BEX1: variants seen among roughly 807,000 people sequenced by gnomAD.
The protein encoded by BEX1 is protein BEX1.
For synonymous variants in BEX1, 41 were observed against 33.4 expected (o/e 1.23, Z -0.79); for missense variants, 86 against 99.2 (o/e 0.87, Z 0.57).
In BEX1 at chrX:103,063,203, C is replaced by T. The variant is rs1341377768; in HGVS notation, c.72G>A (p.Lys24=). The T allele has an allele frequency of 1.6e-5, 19 of 1,211,559 alleles. No individual in the cohort carries two copies. Among genetic ancestry groups the T allele is most frequent in the Non-Finnish European group, 2.1e-5 (19 of 895,500 alleles). The stretch of plus-strand genomic sequence containing the variant: ...GCTCCCCTTTATTAGCAACTTGCTC[C>T]TTTTCTTCATTTTCTTGGTTGGCAT... The part of the protein sequence containing the change: ...MENANQENEE[K]EQVANKGEPL... The change falls in exon 3 of 3, where the codon AAG becomes AAA. Residue 24 remains lysine, a synonymous_variant. Transcript: ENST00000372728.
chrX:103,063,609 G>A, intron 2 of BEX1, 33 bp downstream of exon 2: 1 of 301,586 alleles, frequency 3.3e-6, no homozygotes, highest in East Asian at 6.2e-5. Flanking sequence ...ACTGGACTCT[G>A]CACCCGCCCC....
Position 103,063,224 on chromosome X carries a change from G to C in BEX1, c.51C>G (p.Ala17=). Residue 17 remains alanine, a synonymous_variant, in exon 3 of 3, where the codon GCC becomes GCG. Transcript: ENST00000372728. ...RAVNSLSMEN[A]NQENEEKEQV... is the part of the protein sequence containing the mutation. ...GCTCCTTTTCTTCATTTTCTTGGTT[G>C]GCATTTTCCATGCTGAGACTGTTTA... The C allele has an allele frequency of 8.3e-7, 1 of 1,211,292 alleles. No homozygotes were observed. Among genetic ancestry groups the C allele is most frequent in the Non-Finnish European group, 1.1e-6 (1 of 895,390 alleles).
Position 103,062,656 on chromosome X carries a change from T to C in BEX1, c.*241A>G. On this transcript the variant is annotated 3_prime_UTR_variant, in exon 3 of 3. Coordinates refer to ENST00000372728, the MANE Select transcript of BEX1 (RefSeq NM_018476.4). Reference sequence around the variant, plus strand: ...ACAAAAAAAGAATATAGAGATTGCTTTTTAAAGGTGCTTTATTAACTTCAC... The same window carrying C: ...ACAAAAAAAGAATATAGAGATTGCTCTTTAAAGGTGCTTTATTAACTTCAC... The C allele has an allele frequency of 2.6e-6, 1 of 381,487 alleles. No homozygotes were observed. Among genetic ancestry groups the C allele is most frequent in the East Asian group, 4.1e-5 (1 of 24,434 alleles). 31.4% of individuals were successfully genotyped at this position (381,487 alleles called of 1,213,427 possible).
chrX:103,064,090 C>A lies in BEX1; in HGVS notation c.-96+6G>T, dbSNP rs934947894. On this transcript the variant is annotated splice_donor_region_variant and intron_variant, in intron 1 of 2. Coordinates refer to ENST00000372728, the MANE Select transcript of BEX1 (RefSeq NM_018476.4). ...AGCCAGGGCGCGCGGGCCCCGGGGC[C>A]CTTACCTGGTCCGCTTTCCCCCGGG... 1.7e-4 allele frequency: 49 copies of A among 294,508 alleles called. No homozygotes were observed. Among genetic ancestry groups the A allele is most frequent in the Non-Finnish European group, 1.8e-4 (39 of 218,962 alleles). 24.3% of individuals were successfully genotyped at this position (294,508 alleles called of 1,213,427 possible).
chrX:103,063,117 A>T lies in BEX1; in HGVS notation c.158T>A (p.Phe53Tyr). 8.3e-7 allele frequency: 1 copy of T among 1,211,852 alleles called. No homozygotes were observed. Among genetic ancestry groups the T allele is most frequent in the African/African-American group, 1.7e-5 (1 of 57,779 alleles). Residue 53 changes from phenylalanine (F) to tyrosine (Y), a missense_variant, in exon 3 of 3, where the codon TTC (phenylalanine) becomes TAC (tyrosine). Coordinates refer to ENST00000372728, the MANE Select transcript of BEX1 (RefSeq NM_018476.4). ...YCVPRGNRRR[F>Y]RVRQPILQYR... is the part of the protein sequence containing the mutation. ...CTGCAGGATGGGCTGCCTAACGCGGAACCGCCTACGATTTCCTCTAGGCAC... is the reference window on the plus strand; with the variant it reads ...CTGCAGGATGGGCTGCCTAACGCGGTACCGCCTACGATTTCCTCTAGGCAC...
chrX:103,063,458 T>G, intron 2 of BEX1, among the ~76,000 whole-genome samples, 179 bp from the exon 3 acceptor site: 1 of 69,899 alleles, frequency 1.4e-5, no homozygotes, highest in Non-Finnish European at 2.5e-5. Context: ...GGGCCCCCAT[T>G]CGAGCCCGCC....
intron 2 of BEX1, 47 bp from the exon 3 acceptor site, chrX:103,063,326 T>A (rs761676676): frequency 1.8e-6 from 2 of 1,135,019 alleles, no homozygotes; most frequent in Admixed American, 2.5e-5. Context: ...TGGTGAACGC[T>A]TCAGTACCGA....
intron 2 of BEX1, 123 bp from the exon 3 acceptor site, chrX:103,063,402 T>C: frequency 1.1e-5 from 9 of 847,387 alleles, no homozygotes; most frequent in Non-Finnish European, 1.3e-5. Flanking sequence ...TTTTGTTTTG[T>C]TTAATTTCAC....
At chrX:103,063,390 T>C in intron 2 of BEX1, 111 bp from the exon 3 acceptor site, 1 of 864,236 alleles carries the variant, frequency 1.2e-6, no homozygotes, top group Admixed American at 3.1e-5. Flanking sequence ...GCTATCAACA[T>C]GTTTTGTTTT....
Position 103,062,856 on chromosome X carries a change from G to A in BEX1, c.*41C>T, listed in dbSNP as rs922501277. 1 of 1,197,346 alleles carries A rather than the reference G, an allele frequency of 8.4e-7. No individual in the cohort carries two copies. Among genetic ancestry groups the A allele is most frequent in the Non-Finnish European group, 1.1e-6 (1 of 886,943 alleles). On this transcript the variant is annotated 3_prime_UTR_variant, in exon 3 of 3. Coordinates refer to ENST00000372728, the MANE Select transcript of BEX1 (RefSeq NM_018476.4). ...TCATGAACATGTAAATTCGAAAGCA[G>A]GGGTCTGTTTCCGTAATAACTTTAG...
rs1046001932 is a variant in BEX1, at chrX:103,063,751, G to A, written c.-95-20C>T. 7.6e-5 allele frequency: 11 copies of A among 144,076 alleles called. No homozygotes were observed. In the South Asian group the frequency reaches 2.1e-3, roughly 28 times the overall value. The allele number at this position is 144,076 out of a possible 1,213,427, so 11.9% of individuals were successfully genotyped here. On this transcript the variant is annotated intron_variant, in intron 1 of 2. Coordinates refer to ENST00000372728, the MANE Select transcript of BEX1 (RefSeq NM_018476.4). Reference sequence around the variant, plus strand: ...GAAGGGCTGGGGTGTGGGGAGGGGGGGCTGCTGCAGCGGAACGCTAGCTCC... The same window carrying A: ...GAAGGGCTGGGGTGTGGGGAGGGGGAGCTGCTGCAGCGGAACGCTAGCTCC...
Position 103,062,940 on chromosome X carries a change from G to A in BEX1, c.335C>T (p.Pro112Leu), listed in dbSNP as rs1921580013. The change falls in exon 3 of 3, where the codon CCC (proline) becomes CTC (leucine). Residue 112 changes from proline (P) to leucine (L), a missense_variant. Coordinates refer to ENST00000372728, the MANE Select transcript of BEX1 (RefSeq NM_018476.4). ...SHSLRAVSTDPPHHDHHDEFC... is the reference protein window; with the variant it reads ...SHSLRAVSTDLPHHDHHDEFC... ...CTCATCATGATGGTCATGGTGAGGG[G>A]GGTCAGTGCTGACTGCCCGCAGACT... 8.3e-7 allele frequency: 1 copy of A among 1,209,245 alleles called. No homozygotes were observed. The highest frequency in any genetic ancestry group is 1.8e-5 in the African/African-American group (1 of 56,895).
Position 103,064,152 on chromosome X carries a change from G to T in BEX1, c.-152C>A. ...CCCGCCGAGCGCAGGGCAGCGGGGA[G>T]CTGGTAGCGAGACACGAGTGACGAC... On this transcript the variant is annotated 5_prime_UTR_variant, in exon 1 of 3. Coordinates refer to ENST00000372728, the MANE Select transcript of BEX1 (RefSeq NM_018476.4). The T allele has an allele frequency of 3.8e-6, 2 of 520,793 alleles. No homozygotes were observed. The highest frequency in any genetic ancestry group is 4.7e-6 in the Non-Finnish European group (2 of 424,275). The allele number at this position is 520,793 out of a possible 1,213,427, so 42.9% of individuals were successfully genotyped here. A position where few individuals can be genotyped will look rare whatever the true frequency, so the allele number is the denominator to read the frequency against.
intron 2 of BEX1, 137 bp from the exon 3 acceptor site, chrX:103,063,416 T>C: frequency 1.4e-6 from 1 of 700,244 alleles, no homozygotes; most frequent in South Asian, 3.8e-5. Flanking sequence ...ATTTCACGTT[T>C]CCCACCAGAG....
chrX:103,063,142 C>T lies in BEX1; in HGVS notation c.133G>A (p.Val45Met). 1 of 1,212,091 alleles carries T rather than the reference C, an allele frequency of 8.3e-7. No individual in the cohort carries two copies. The highest frequency in any genetic ancestry group is 1.1e-6 in the Non-Finnish European group (1 of 895,616). Residue 45 changes from valine to methionine, a missense_variant, in exon 3 of 3, where the codon GTG (valine) becomes ATG (methionine). Physicochemically the swap from Val to Met is conservative, Grantham distance 21. Transcript: ENST00000372728. ...AACCGCCTACGATTTCCTCTAGGCA[C>T]ACAGTATTCACCAGCATCCAAAGGG... is the stretch of plus-strand genomic sequence containing the variant. ...ALPLDAGEYC[V>M]PRGNRRRFRV...
Position 103,064,130 on chromosome X carries a change from G to A in BEX1, c.-130C>T. ...TTTCCCCCGGGCCGGATGCCAGCCC[G>A]CCGAGCGCAGGGCAGCGGGGAGCTG... is the stretch of plus-strand genomic sequence containing the variant. On this transcript the variant is annotated 5_prime_UTR_variant, in exon 1 of 3. Transcript: ENST00000372728. 1.9e-6 allele frequency: 1 copy of A among 518,882 alleles called. No homozygotes were observed. The highest frequency in any genetic ancestry group is 2.4e-6 in the Non-Finnish European group (1 of 422,541). 42.8% of individuals were successfully genotyped at this position (518,882 alleles called of 1,213,427 possible).
In BEX1 at chrX:103,063,392, T is replaced by C. The variant is rs1602877761; in HGVS notation, c.-5-113A>G. On this transcript the variant is annotated intron_variant, in intron 2 of 2. Transcript: ENST00000372728. ...ATTCCGCGTCATGGCTATCAACATG[T>C]TTTGTTTTGTTTAATTTCACGTTTC... is the stretch of plus-strand genomic sequence containing the variant. 3.4e-6 allele frequency: 3 copies of C among 876,406 alleles called. No individual in the cohort carries two copies. The East Asian group carries it at 9.5e-5, about 28-fold the overall frequency. The allele number at this position is 876,406 out of a possible 1,213,427, so 72.2% of individuals were successfully genotyped here.
rs202115562 is a variant in BEX1 at position 103,063,202 on chromosome X, C to G, written c.73G>C (p.Glu25Gln). 34 of 1,209,583 alleles carry G rather than the reference C, an allele frequency of 2.8e-5. No individual in the cohort carries two copies. In the East Asian group the frequency reaches 9.5e-4, roughly 34 times the overall value. ...ENANQENEEKEQVANKGEPLA... is the reference protein window; with the variant it reads ...ENANQENEEKQQVANKGEPLA... ...GGCTCCCCTTTATTAGCAACTTGCT[C>G]CTTTTCTTCATTTTCTTGGTTGGCA... The change falls in exon 3 of 3, where the codon GAG becomes CAG. Residue 25 changes from glutamate to glutamine, a missense_variant. By Grantham distance (29) the Glu-to-Gln change is conservative. Transcript: ENST00000372728.
Position 103,062,934 on chromosome X carries a change from T to G in BEX1, c.341A>C (p.His114Pro), listed in dbSNP as rs1380548831. ...GCAAAACTCATCATGATGGTCATGG[T>G]GAGGGGGGTCAGTGCTGACTGCCCG... ...SLRAVSTDPPHHDHHDEFCLM... is the reference protein window; with the variant it reads ...SLRAVSTDPPPHDHHDEFCLM... Residue 114 changes from histidine (H) to proline (P), a missense_variant, in exon 3 of 3, where the codon CAC (histidine) becomes CCC (proline). By Grantham distance (77) the His-to-Pro change is moderately conservative. Transcript: ENST00000372728. The G allele has an allele frequency of 5.0e-6, 6 of 1,209,476 alleles. No homozygotes were observed. In the African/African-American group the frequency reaches 5.3e-5, roughly 11 times the overall value.
Sources: allele counts gnomAD v4.1 joint callset (sites outside exome capture counted in the v4.1 genomes callset), GRCh38; gene constraint gnomAD v4.1.1; transcripts MANE v1.5; gene names NCBI Gene and HGNC (gene_info 2026-07-23, HGNC 2026-07-21).